ING3: variants seen among roughly 807,000 people sequenced by gnomAD.
ING3 encodes inhibitor of growth family member 3, also known as inhibitor of growth protein 3.
In ING3, 6 loss-of-function variants were observed where a neutral mutation model predicts 64.8. The observed-to-expected ratio is 0.09, with a 90% CI of 0.05 to 0.18. The LOEUF (loss-of-function observed/expected upper bound fraction) is 0.18, where lower values mean the gene tolerates loss of function less well. Among genes scored for constraint, ING3 ranks in the 10% least tolerant of loss-of-function variants. The probability of loss-of-function intolerance (pLI) is 1.00; values close to 1 mark genes in which losing one functional copy is unlikely to be tolerated. For missense variants in ING3, 310 were observed against 489.7 expected, an observed-to-expected ratio of 0.63 and a Z score of 3.46; for synonymous variants, 170 against 173.7, an observed-to-expected ratio of 0.98 and a Z score of 0.17.
At chr7:120,950,960 AC>A (rs754150294) in intron 1 of ING3, 36 bp downstream of exon 1, 2 of 1,607,534 alleles carry the variant, frequency 1.2e-6, no homozygotes, top group South Asian at 2.2e-5. Context: ...CGCCAGTGGG[AC>A]GTGCGGGCGG....
intron 4 of ING3, chr7:120,956,405 T>C (rs1795848003): frequency 2.3e-6 from 3 of 1,279,470 alleles, no homozygotes; most frequent in South Asian, 1.7e-5. Flanking sequence ...GATTTATTAC[T>C]GAACAAGTAC....
At position 120,950,855 on chromosome 7, in the gene ING3, A is replaced by G. The variant is rs945343668; in HGVS notation, c.-42A>G. On this transcript the variant is annotated 5_prime_UTR_variant, in exon 1 of 12. In the 5' UTR this introduces an upstream ATG that the reference lacks. Transcript: ENST00000315870. ...TCCGGCGACAGCGAGTGACACAAAT[A>G]AACCCCTGGACCCCCTTGTTCCCTC... The G allele has an allele frequency of 3.7e-6, 6 of 1,611,260 alleles. No individual in the cohort carries two copies. The highest frequency in any genetic ancestry group is 5.1e-6 in the Non-Finnish European group (6 of 1,178,688).
At chr7:120,951,282 C>T in intron 2 of ING3, 47 bp downstream of exon 2, 2 of 1,556,380 alleles carry the variant, frequency 1.3e-6, no homozygotes, top group Non-Finnish European at 1.8e-6. Context: ...GCGTTCAGTG[C>T]CAGACTTGCT....
intron 4 of ING3, chr7:120,956,190 AAGAT>A (rs761413742): frequency 6.2e-6 from 10 of 1,609,306 alleles, no homozygotes; most frequent in Admixed American, 1.7e-5. Flanking sequence ...AAACACCAAG[AAGAT>A]AGATAGAATA....
At chr7:120,960,229 G>C (rs1307072406) in intron 4 of ING3, among the ~76,000 whole-genome samples, 1 of 152,148 alleles carries the variant, frequency 6.6e-6, no homozygotes, top group Non-Finnish European at 1.5e-5. Flanking sequence ...GAGAGGCCGG[G>C]GTGGTTGGTC....
In ING3 at chr7:120,953,361, A is replaced by G. The variant is rs757750682; in HGVS notation, c.158A>G (p.Asn53Ser). 1.2e-6 allele frequency: 2 copies of G among 1,608,276 alleles called. No homozygotes were observed. Among genetic ancestry groups the G allele is most frequent in the African/African-American group, 2.7e-5 (2 of 74,642 alleles). Reference sequence around the variant, plus strand: ...GAATTCTTTATGAATGCAAAGAAAAATAAACCTGAGTGGAGGGAAGAGCAA... The same window carrying G: ...GAATTCTTTATGAATGCAAAGAAAAGTAAACCTGAGTGGAGGGAAGAGCAA... ...VSEFFMNAKKNKPEWREEQMA... is the reference protein window; with the variant it reads ...VSEFFMNAKKSKPEWREEQMA... Residue 53 changes from asparagine to serine, a missense_variant, in exon 3 of 12, where the codon AAT becomes AGT. Asn to Ser is a conservative substitution (Grantham distance 46, BLOSUM62 1). This residue lies in a region of ING3 where 53 missense variants were observed against 116.2 expected (regional missense o/e 0.46). Coordinates refer to ENST00000315870, the MANE Select transcript of ING3 (RefSeq NM_019071.3).
At chr7:120,954,068 T>A (rs969311262) in intron 3 of ING3, among the ~76,000 whole-genome samples, 2 of 152,190 alleles carry the variant, frequency 1.3e-5, no homozygotes, top group African/African-American at 4.8e-5. Flanking sequence ...CTGTGTGACA[T>A]TAAATCTTAA....
chr7:120,968,825 G>A (rs1440962446), intron 8 of ING3, among the ~76,000 whole-genome samples, 186 bp from the exon 9 acceptor site: 10 of 113,082 alleles, frequency 8.8e-5, no homozygotes, highest in Admixed American at 2.5e-4. Context: ...CAGCCCAAGC[G>A]ACAGATTGAA....
intron 8 of ING3, among the ~76,000 whole-genome samples, 166 bp from the exon 9 acceptor site, chr7:120,968,845 C>CAA (rs377274991): frequency 4.4e-4 from 26 of 59,192 alleles, no homozygotes; most frequent in East Asian, 6.4e-4. Context: ...AACTCCACCT[C>CAA]AAAAAAAAAA....
At chr7:120,952,771 T>C (rs78213951) in intron 2 of ING3, among the ~76,000 whole-genome samples, 3 of 151,940 alleles carry the variant, frequency 2.0e-5, no homozygotes, top group Admixed American at 6.6e-5. Flanking sequence ...TTTTTTTTTT[T>C]AGCAGACATC....
rs1466618955 is a variant in ING3 at position 120,974,996 on chromosome 7, A to G, written c.*152A>G. 2 of 469,290 alleles carry G rather than the reference A, an allele frequency of 4.3e-6. No homozygotes were observed. The highest frequency in any genetic ancestry group is 4.0e-5 in the African/African-American group (2 of 50,560). 29.1% of individuals were successfully genotyped at this position (469,290 alleles called of 1,614,324 possible). ...CAATCCTATAAGATCTTGAACTTGA[A>G]TTTTATGGGTTGTATTTTAATAATG... On this transcript the variant is annotated 3_prime_UTR_variant, in exon 12 of 12. Coordinates refer to ENST00000315870, the MANE Select transcript of ING3 (RefSeq NM_019071.3).
intron 5 of ING3, 43 bp downstream of exon 5, chr7:120,964,881 T>C: frequency 6.7e-7 from 1 of 1,484,562 alleles, no homozygotes; most frequent in South Asian, 1.1e-5. Context: ...GGACAGTACA[T>C]GTGCAAATCG....
chr7:120,969,745 A>C (rs958577478), intron 9 of ING3, among the ~76,000 whole-genome samples: 1 of 152,228 alleles, frequency 6.6e-6, no homozygotes, highest in African/African-American at 2.4e-5. Flanking sequence ...ATCACTGTCT[A>C]TCCCAGGTAA....
rs764772055 is a variant in ING3, at chr7:120,950,959, G to A, written c.28+35G>A. On this transcript the variant is annotated intron_variant, in intron 1 of 11. Transcript: ENST00000315870. Reference sequence around the variant, plus strand: ...CGGCGCTGGCGGCGGCCGCCAGTGGGACGTGCGGGCGGGCAAGAGCGCGAG... The same window carrying A: ...CGGCGCTGGCGGCGGCCGCCAGTGGAACGTGCGGGCGGGCAAGAGCGCGAG... The A allele has an allele frequency of 9.3e-6, 15 of 1,612,020 alleles. No homozygotes were observed. The South Asian group carries it at 1.6e-4, about 18-fold the overall frequency.
At position 120,950,799 on chromosome 7, in the gene ING3, A is replaced by G. The variant is rs1316976387; in HGVS notation, c.-98A>G. ...TTGCCGGAGTCGAGCGGGTGCTGCTAGCGGAGGCGCCATATTGGAGGGGAC... is the reference window on the plus strand; with the variant it reads ...TTGCCGGAGTCGAGCGGGTGCTGCTGGCGGAGGCGCCATATTGGAGGGGAC... On this transcript the variant is annotated 5_prime_UTR_variant, in exon 1 of 12. Coordinates refer to ENST00000315870, the MANE Select transcript of ING3 (RefSeq NM_019071.3). 2.5e-6 allele frequency: 2 copies of G among 795,618 alleles called. No homozygotes were observed. Among genetic ancestry groups the G allele is most frequent in the African/African-American group, 4.2e-5 (2 of 48,080 alleles). The allele number at this position is 795,618 out of a possible 1,614,324, so 49.3% of individuals were successfully genotyped here.
intron 4 of ING3, among the ~76,000 whole-genome samples, 186 bp from the exon 5 acceptor site, chr7:120,964,556 G>C (rs1171178140): frequency 6.6e-6 from 1 of 152,108 alleles, no homozygotes; most frequent in African/African-American, 2.4e-5. Flanking sequence ...AAGGAGACTT[G>C]GGAGATTATT....
At position 120,976,070 on chromosome 7, in the gene ING3, A is replaced by T. The variant is rs1048034945; in HGVS notation, c.*1226A>T. ...TGACAGTTAATTCAAATTTTGTATC[A>T]CTCTGGGCCTTACTACACCAGGGTG... is the stretch of plus-strand genomic sequence containing the variant. On this transcript the variant is annotated 3_prime_UTR_variant, in exon 12 of 12. Coordinates refer to ENST00000315870, the MANE Select transcript of ING3 (RefSeq NM_019071.3). 1.3e-5 allele frequency: 2 copies of T among 152,044 alleles called. No individual in the cohort carries two copies. Among genetic ancestry groups the T allele is most frequent in the African/African-American group, 4.8e-5 (2 of 41,378 alleles). The allele number at this position is 152,044 out of a possible 1,614,324, so 9.4% of individuals were successfully genotyped here. A position where few individuals can be genotyped will look rare whatever the true frequency, so the allele number is the denominator to read the frequency against.
In ING3 at chr7:120,969,133, G is replaced by A. The variant is rs536061422; in HGVS notation, c.837G>A (p.Ser279=). Residue 279 remains serine (S), a synonymous_variant, in exon 9 of 12, where the codon TCG becomes TCA. Transcript: ENST00000315870. The part of the protein sequence containing the change: ...ARETVGYSSS[S]ALMTTLTQNA... ...AAACAGTTGGCTATTCATCATCTTC[G>A]GCACTTATGACAACATTAACACAGA... is the stretch of plus-strand genomic sequence containing the variant. 1.6e-5 allele frequency: 26 copies of A among 1,613,872 alleles called. No homozygotes were observed. The highest frequency in any genetic ancestry group is 6.7e-5 in the Admixed American group (4 of 59,974).
chr7:120,951,647 G>A (rs1352381487), intron 2 of ING3, among the ~76,000 whole-genome samples: 1 of 152,136 alleles, frequency 6.6e-6, no homozygotes, highest in Non-Finnish European at 1.5e-5. Flanking sequence ...TTTCAAGAGT[G>A]GAAAGCACAG....
Sources: gnomAD v4.1 joint callset for allele counts (sites outside exome capture counted in the v4.1 genomes callset) on GRCh38, gnomAD v4.1.1 for gene constraint, gnomAD v4.1.1 regional missense constraint, MANE v1.5 for transcripts, NCBI Gene and HGNC (gene_info 2026-07-23, HGNC 2026-07-21) for gene names.